ZSCAN2: variants seen among roughly 807,000 people sequenced by gnomAD.
ZSCAN2 encodes the protein zinc finger and SCAN domain-containing protein 2.
ZSCAN2 carries 26 observed loss-of-function variants against 47.8 expected under a neutral mutation model. That is an observed-to-expected ratio of 0.54 (90% CI 0.40 to 0.75). The LOEUF is 0.75. ZSCAN2 is among the 30% of genes least tolerant of loss of function. The pLI is 0.00. For missense variants in ZSCAN2, 732 were observed against 785.4 expected (o/e 0.93, Z 0.81); for synonymous variants, 305 against 288.7 (o/e 1.06, Z -0.57).
rs1895372676 is a variant in ZSCAN2 at position 84,606,076 on chromosome 15, G to T, written c.406+1743G>T. 2.0e-5 allele frequency among the ~76,000 whole-genome samples: 3 copies of T among 152,196 alleles called. 1 individual carries two copies. In the South Asian group the frequency reaches 6.2e-4, roughly 32 times the overall value. On this transcript the variant is annotated intron_variant, in intron 2 of 2. Coordinates refer to ENST00000546148, the MANE Select transcript of ZSCAN2 (RefSeq NM_181877.4). ...TTCCTAGTGGGTGTTGGAAGTTGGGGATGCAGATGGAATTAAGACAGTGAC... is the reference window on the plus strand; with the variant it reads ...TTCCTAGTGGGTGTTGGAAGTTGGGTATGCAGATGGAATTAAGACAGTGAC...
At chr15:84,604,902 T>C (rs1348534484) in intron 2 of ZSCAN2, among the ~76,000 whole-genome samples, 1 of 151,968 alleles carries the variant, frequency 6.6e-6, no homozygotes, top group African/African-American at 2.4e-5. Flanking sequence ...CACGCCCGGC[T>C]AATTTTTTTA....
At chr15:84,611,238 G>A (rs961636333) in intron 2 of ZSCAN2, among the ~76,000 whole-genome samples, 1 of 151,948 alleles carries the variant, frequency 6.6e-6, no homozygotes, top group Non-Finnish European at 1.5e-5. Flanking sequence ...CAGAGATCAC[G>A]CCACTGCACT....
In ZSCAN2 at chr15:84,623,282, C is replaced by CG. The variant is rs1421633597; in HGVS notation, c.*1246dup. On this transcript the variant is annotated 3_prime_UTR_variant, in exon 3 of 3. Coordinates refer to ENST00000546148, the MANE Select transcript of ZSCAN2 (RefSeq NM_181877.4). ...TCTTTTTTTGTATTTTTAGTAGAGA[C>CG]GGGGTTTCACCGCGTTAGCCAGGAT... 1 of 172,796 alleles carries CG rather than the reference C, an allele frequency of 5.8e-6. No homozygotes were observed. The highest frequency in any genetic ancestry group is 1.3e-5 in the Non-Finnish European group (1 of 77,428). The allele number at this position is 172,796 out of a possible 1,614,324, so 10.7% of individuals were successfully genotyped here.
At position 84,604,023 on chromosome 15, in the gene ZSCAN2, C is replaced by T; in HGVS notation, c.96C>T (p.Thr32=). Reference sequence around the variant, plus strand: ...ATAGACAGGAGGAGGAGGTCACCACCATGATCCTGGAGGATGACTCCTGGG... The same window carrying T: ...ATAGACAGGAGGAGGAGGTCACCACTATGATCCTGGAGGATGACTCCTGGG... The part of the protein sequence containing the change: ...EEDRQEEEVT[T]MILEDDSWVQ... The change falls in exon 2 of 3, where the codon ACC becomes ACT. Residue 32 remains threonine, a synonymous_variant. Coordinates refer to ENST00000546148, the MANE Select transcript of ZSCAN2 (RefSeq NM_181877.4). The T allele has an allele frequency of 6.2e-7, 1 of 1,614,102 alleles. No individual in the cohort carries two copies. Among genetic ancestry groups the T allele is most frequent in the Middle Eastern group, 1.6e-4 (1 of 6,062 alleles).
At chr15:84,614,198 C>G (rs1895634606) in intron 2 of ZSCAN2, among the ~76,000 whole-genome samples, 1 of 151,300 alleles carries the variant, frequency 6.6e-6, no homozygotes, top group Non-Finnish European at 1.5e-5. Flanking sequence ...GGCTGTGTTG[C>G]TCAGGCTGGT....
Position 84,621,909 on chromosome 15 carries a change from G to A in ZSCAN2, c.1714G>A (p.Val572Ile). 6.2e-7 allele frequency: 1 copy of A among 1,613,636 alleles called. No homozygotes were observed. Among genetic ancestry groups the A allele is most frequent in the Non-Finnish European group, 8.5e-7 (1 of 1,179,808 alleles). The change falls in exon 3 of 3, where the codon GTC becomes ATC. Residue 572 changes from valine (V) to isoleucine (I), a missense_variant. Val to Ile is a conservative substitution (Grantham distance 29). Transcript: ENST00000546148. The surrounding 1 kb of genome is among the most constrained non-coding windows in gnomAD (Gnocchi z 5.7). ...TGGGAAAGGCTTTAGCTGGAACTCA[G>A]TCCTCATTATACATCAGCGAATCCA... ...ECGKGFSWNS[V>I]LIIHQRIHTG...
intron 2 of ZSCAN2, among the ~76,000 whole-genome samples, chr15:84,617,667 T>C (rs11639319): frequency 6.6e-6 from 1 of 152,212 alleles, no homozygotes; most frequent in Admixed American, 6.5e-5. Flanking sequence ...CCAGGCATGG[T>C]GGCTTATGCC....
chr15:84,622,752 C>G lies in ZSCAN2; in HGVS notation c.*712C>G, dbSNP rs117370461. 4.2e-6 allele frequency: 3 copies of G among 708,498 alleles called. No homozygotes were observed. The highest frequency in any genetic ancestry group is 2.6e-6 in the Non-Finnish European group (1 of 381,624). The allele number at this position is 708,498 out of a possible 1,614,324, so 43.9% of individuals were successfully genotyped here. Reference sequence around the variant, plus strand: ...CAGGGCCTTCAGGAAAGGGGTAAACCGAGGACATTTCAGTGCTTGCTTTTG... The same window carrying G: ...CAGGGCCTTCAGGAAAGGGGTAAACGGAGGACATTTCAGTGCTTGCTTTTG... On this transcript the variant is annotated 3_prime_UTR_variant, in exon 3 of 3. Transcript: ENST00000546148.
At position 84,622,358 on chromosome 15, in the gene ZSCAN2, G is replaced by A. The variant is rs781039362; in HGVS notation, c.*318G>A. 18 of 575,802 alleles carry A rather than the reference G, an allele frequency of 3.1e-5. No homozygotes were observed. Among genetic ancestry groups the A allele is most frequent in the Non-Finnish European group, 4.7e-5 (15 of 318,994 alleles). The allele number at this position is 575,802 out of a possible 1,614,324, so 35.7% of individuals were successfully genotyped here. A position where few individuals can be genotyped will look rare whatever the true frequency, so the allele number is the denominator to read the frequency against. On this transcript the variant is annotated 3_prime_UTR_variant, in exon 3 of 3. Transcript: ENST00000546148. ...CCTCTTTGGTAAAATGGGGGGAAAT[G>A]TTTCTCCATGTGGAATGGAAGACAG...
At chr15:84,618,738 A>G (rs1201366425) in intron 2 of ZSCAN2, among the ~76,000 whole-genome samples, 2 of 151,478 alleles carry the variant, frequency 1.3e-5, no homozygotes, top group East Asian at 2.0e-4. Context: ...ATTTTTTTGT[A>G]TTTTTATTAG....
chr15:84,609,061 C>CATCTGGCTT (rs1034713373), intron 2 of ZSCAN2, among the ~76,000 whole-genome samples: 9 of 152,344 alleles, frequency 5.9e-5, no homozygotes, highest in African/African-American at 2.2e-4. Flanking sequence ...TCCTCAGCAT[C>CATCTGGCTT]ATCTGGCTTT....
rs1363072709 is a variant in ZSCAN2, at chr15:84,621,176, C to T, written c.981C>T (p.Thr327=). 1.2e-6 allele frequency: 2 copies of T among 1,614,058 alleles called. No homozygotes were observed. The highest frequency in any genetic ancestry group is 1.7e-6 in the Non-Finnish European group (2 of 1,179,994). ...CCAACCTCATTGCACATCAGCGCACCCACACAGGAGAGAAACCCTACTCGT... is the reference window on the plus strand; with the variant it reads ...CCAACCTCATTGCACATCAGCGCACTCACACAGGAGAGAAACCCTACTCGT... ...RSPNLIAHQR[T]HTGEKPYSCP... Residue 327 remains threonine (T), a synonymous_variant, in exon 3 of 3, where the codon ACC becomes ACT. Coordinates refer to ENST00000546148, the MANE Select transcript of ZSCAN2 (RefSeq NM_181877.4). This position sits in a 1 kb window ranked among gnomAD's most constrained non-coding sequence, Gnocchi z 5.7.
In ZSCAN2 at chr15:84,623,461, A is replaced by G. The variant is rs1895857925; in HGVS notation, c.*1421A>G. On this transcript the variant is annotated 3_prime_UTR_variant, in exon 3 of 3. Transcript: ENST00000546148. ...GTTCCCTGGAGATATTTGGGCTTGA[A>G]TCAGGAGTTTGTCCTACAGGTGTCG... The G allele has an allele frequency of 1.2e-5, 2 of 169,856 alleles. No individual in the cohort carries two copies. The highest frequency in any genetic ancestry group is 2.4e-5 in the African/African-American group (1 of 41,492). The allele number at this position is 169,856 out of a possible 1,614,324, so 10.5% of individuals were successfully genotyped here. A position where few individuals can be genotyped will look rare whatever the true frequency, so the allele number is the denominator to read the frequency against.
At position 84,623,430 on chromosome 15, in the gene ZSCAN2, A is replaced by C. The variant is rs930653672; in HGVS notation, c.*1390A>C. The C allele has an allele frequency of 5.6e-6, 1 of 178,826 alleles. No homozygotes were observed. The highest frequency in any genetic ancestry group is 1.4e-5 in the Non-Finnish European group (1 of 73,942). 11.1% of individuals were successfully genotyped at this position (178,826 alleles called of 1,614,324 possible). A position where few individuals can be genotyped will look rare whatever the true frequency, so the allele number is the denominator to read the frequency against. On this transcript the variant is annotated 3_prime_UTR_variant, in exon 3 of 3. Transcript: ENST00000546148. ...TTAAAGAAGTGTTAACTTTGAGGAC[A>C]TATCTGTTCCCTGGAGATATTTGGG... is the stretch of plus-strand genomic sequence containing the variant.
rs766821046 is a variant in ZSCAN2, at chr15:84,604,250, C to A, written c.323C>A (p.Ala108Asp). The change falls in exon 2 of 3, where the codon GCT becomes GAT. Residue 108 changes from alanine (A) to aspartate (D), a missense_variant. Physicochemically the swap from Ala to Asp is moderately radical, Grantham distance 126 (BLOSUM62 -2). Around this residue, in one of 2 missense-constraint regions of ZSCAN2, gnomAD observed 320 missense variants for 287.4 expected, o/e 1.11. Transcript: ENST00000546148. ...MLTMLPKEIQ[A>D]WLQEHRPESS... Reference sequence around the variant, plus strand: ...ACCATGCTGCCAAAGGAAATTCAGGCTTGGCTGCAAGAGCATCGGCCTGAA... The same window carrying A: ...ACCATGCTGCCAAAGGAAATTCAGGATTGGCTGCAAGAGCATCGGCCTGAA... 1.9e-6 allele frequency: 3 copies of A among 1,614,146 alleles called. No individual in the cohort carries two copies. In the South Asian group the frequency reaches 3.3e-5, roughly 18 times the overall value.
chr15:84,603,804 C>CTTTTT lies in ZSCAN2; in HGVS notation c.-108-14_-108-10dup. The stretch of plus-strand genomic sequence containing the variant: ...CAGTCTACCTATGGATTATGGTTCT[C>CTTTTT]TTTTTTGTTTCTCAGCGGGACTACT... On this transcript the variant is annotated splice_polypyrimidine_tract_variant and intron_variant, in intron 1 of 2. Coordinates refer to ENST00000546148, the MANE Select transcript of ZSCAN2 (RefSeq NM_181877.4). 1 of 1,209,178 alleles carries CTTTTT rather than the reference C, an allele frequency of 8.3e-7. No homozygotes were observed. Among genetic ancestry groups the CTTTTT allele is most frequent in the Admixed American group, 2.5e-5 (1 of 39,484 alleles). The allele number at this position is 1,209,178 out of a possible 1,614,324, so 74.9% of individuals were successfully genotyped here.
chr15:84,614,309 C>G (rs1895637828), intron 2 of ZSCAN2: 1 of 152,046 alleles, frequency 6.6e-6, no homozygotes, highest in Admixed American at 6.6e-5. Flanking sequence ...TTTTGCAAAC[C>G]TCTACTTAGC....
At chr15:84,606,816 T>A in intron 2 of ZSCAN2, 1 of 1,273,258 alleles carries the variant, frequency 7.9e-7, no homozygotes. Flanking sequence ...GGTTTGTCTG[T>A]CCCTGACTTC....
rs1243427907 is a variant in ZSCAN2, at chr15:84,621,430, A to G, written c.1235A>G (p.His412Arg). The change falls in exon 3 of 3, where the codon CAC (histidine) becomes CGC (arginine). Residue 412 changes from histidine (H) to arginine (R), a missense_variant. Around this residue, in one of 2 missense-constraint regions of ZSCAN2, gnomAD observed 412 missense variants for 498.0 expected, o/e 0.83. Coordinates refer to ENST00000546148, the MANE Select transcript of ZSCAN2 (RefSeq NM_181877.4). The surrounding 1 kb of genome is among the most constrained non-coding windows in gnomAD (Gnocchi z 5.7). ...GCCCTCATCACCCACCGGAGAACCC[A>G]CACAGGAGAGAAACCCTACCAGTGC... is the stretch of plus-strand genomic sequence containing the variant. ...SSALITHRRT[H>R]TGEKPYQCSE... is the part of the protein sequence containing the mutation. 3 of 1,614,190 alleles carry G rather than the reference A, an allele frequency of 1.9e-6. No individual in the cohort carries two copies. The highest frequency in any genetic ancestry group is 1.1e-5 in the South Asian group (1 of 91,082).
Sources: gnomAD v4.1 joint callset for allele counts (sites outside exome capture counted in the v4.1 genomes callset) on GRCh38, gnomAD v4.1.1 for gene constraint, gnomAD v4.1.1 regional missense constraint, Gnocchi (gnomAD v3.1) non-coding constraint, MANE v1.5 for transcripts, NCBI Gene and HGNC (gene_info 2026-07-23, HGNC 2026-07-21) for gene names.